The following MDN1 variants were observed in gnomAD, a reference collection of about 807,000 sequenced individuals.
MDN1 encodes midasin.
Under a neutral mutation model 669.2 loss-of-function variants are expected in MDN1, and 266 were observed. The ratio of observed to expected loss-of-function variants is 0.40; its 90% CI spans 0.36 to 0.44. The LOEUF is 0.44. Among genes scored for constraint, MDN1 ranks in the 20% least tolerant of loss-of-function variants. The pLI is 1.00. For synonymous variants in MDN1, 2,385 were observed against 2,457.1 expected, an observed-to-expected ratio of 0.97 and a Z score of 0.87; for missense variants, 5,940 against 6,754.0, an observed-to-expected ratio of 0.88 and a Z score of 4.22.
intron 2 of MDN1, among the ~76,000 whole-genome samples, chr6:89,796,020 A>T (rs896469633): frequency 6.6e-6 from 1 of 151,826 alleles, no homozygotes; most frequent in Non-Finnish European, 1.5e-5. Context: ...GGAAATAAAA[A>T]ATATTATTAA....
In MDN1 at chr6:89,775,120, C is replaced by T. The variant is rs536009051; in HGVS notation, c.1822-387G>A. Among the ~76,000 whole-genome samples the T allele has an allele frequency of 9.9e-5, 15 of 152,278 alleles. 1 individual carries two copies. In the South Asian group the frequency reaches 2.3e-3, roughly 23 times the overall value. On this transcript the variant is annotated intron_variant, in intron 12 of 101. Coordinates refer to ENST00000369393, the MANE Select transcript of MDN1 (RefSeq NM_014611.3). ...AACATAATGTTAGGAAATCATGGTACATCTGACTACAGCCAAAGCAAAAAG... is the reference window on the plus strand; with the variant it reads ...AACATAATGTTAGGAAATCATGGTATATCTGACTACAGCCAAAGCAAAAAG...
At position 89,650,849 on chromosome 6, in the gene MDN1, T is replaced by C. The variant is rs1197427583; in HGVS notation, c.15916-2A>G. On this transcript the variant is annotated splice_acceptor_variant, in intron 95 of 101. Coordinates refer to ENST00000369393, the MANE Select transcript of MDN1 (RefSeq NM_014611.3). LOFTEE classifies it high-confidence loss of function. ...CCACATCTCAGCTGCAACCTTCTCC[T>C]GTGACAACAACAAAATGTAAGTTAC... The C allele has an allele frequency of 1.2e-6, 2 of 1,612,388 alleles. No homozygotes were observed. Among genetic ancestry groups the C allele is most frequent in the African/African-American group, 1.3e-5 (1 of 74,872 alleles).
chr6:89,712,848 C>T, intron 47 of MDN1, 62 bp from the exon 48 acceptor site: 1 of 1,482,772 alleles, frequency 6.7e-7, no homozygotes. Context: ...CCCCAAAAAC[C>T]AGCAAAGTAA....
At position 89,696,594 on chromosome 6, in the gene MDN1, T is replaced by A. The variant is rs1562103905; in HGVS notation, c.9169-20A>T. The A allele has an allele frequency of 6.3e-7, 1 of 1,579,244 alleles. No individual in the cohort carries two copies. Among genetic ancestry groups the A allele is most frequent in the Non-Finnish European group, 8.7e-7 (1 of 1,149,198 alleles). On this transcript the variant is annotated intron_variant, in intron 59 of 101. Transcript: ENST00000369393. ...GGGGCCCTAAAGGACAAGAGAAGAGTCAATAACTTTTAGAAATTAAGACAA... is the reference window on the plus strand; with the variant it reads ...GGGGCCCTAAAGGACAAGAGAAGAGACAATAACTTTTAGAAATTAAGACAA...
intron 33 of MDN1, among the ~76,000 whole-genome samples, chr6:89,734,227 G>A (rs1421607800): frequency 6.6e-6 from 1 of 152,100 alleles, no homozygotes; most frequent in African/African-American, 2.4e-5. Context: ...AGAGGTTGCA[G>A]TGAGCCAAGA....
In MDN1 at chr6:89,762,338, A is replaced by C. The variant is rs773901151; in HGVS notation, c.2337T>G (p.Asp779Glu). 1 of 1,613,886 alleles carries C rather than the reference A, an allele frequency of 6.2e-7. No individual in the cohort carries two copies. The highest frequency in any genetic ancestry group is 8.5e-7 in the Non-Finnish European group (1 of 1,179,944). ...CCTTACCAGTTTCACTGTCTTTTCC[A>C]TCCTTGTTAACAGCAGACTTGTGTA... ...QHVHKSAVNK[D>E]GKDSETGLLI... The change falls in exon 16 of 102, where the codon GAT (aspartate) becomes GAG (glutamate). Residue 779 changes from aspartate to glutamate, a missense_variant. Physicochemically the swap from Asp to Glu is conservative, Grantham distance 45. Around this residue, in one of 5 missense-constraint regions of MDN1, gnomAD observed 1,203 missense variants for 1,268.9 expected, o/e 0.95. Coordinates refer to ENST00000369393, the MANE Select transcript of MDN1 (RefSeq NM_014611.3).
chr6:89,657,680 C>A (rs1281610511), intron 90 of MDN1, among the ~76,000 whole-genome samples: 4 of 152,212 alleles, frequency 2.6e-5, no homozygotes, highest in Admixed American at 1.3e-4. Context: ...ATGCACACCA[C>A]TTAAATACAG....
intron 96 of MDN1, 59 bp from the exon 97 acceptor site, chr6:89,650,257 A>G: frequency 1.3e-6 from 2 of 1,501,992 alleles, no homozygotes; most frequent in Non-Finnish European, 9.1e-7. Context: ...GAGAATTTTT[A>G]TTAAGGACAA....
intron 80 of MDN1, among the ~76,000 whole-genome samples, 174 bp from the exon 81 acceptor site, chr6:89,672,876 C>T (rs903610527): frequency 1.3e-5 from 2 of 152,024 alleles, no homozygotes; most frequent in Non-Finnish European, 2.9e-5. Context: ...AAGTTTATTA[C>T]CTTGTATTAA....
In MDN1 at chr6:89,723,505, T is replaced by C. The variant is rs1303903624; in HGVS notation, c.5778+7A>G. The C allele has an allele frequency of 1.4e-6, 2 of 1,481,268 alleles. No individual in the cohort carries two copies. The highest frequency in any genetic ancestry group is 1.9e-6 in the Non-Finnish European group (2 of 1,070,868). 91.8% of individuals were successfully genotyped at this position (1,481,268 alleles called of 1,614,324 possible). On this transcript the variant is annotated splice_region_variant and intron_variant, in intron 39 of 101. Coordinates refer to ENST00000369393, the MANE Select transcript of MDN1 (RefSeq NM_014611.3). ...AAAAAAAGAAACCAATACGTGTAGG[T>C]ACTTACTTGGTTATTGAAAGCAACC...
intron 15 of MDN1, among the ~76,000 whole-genome samples, chr6:89,769,715 G>C (rs1348755104): frequency 6.6e-6 from 1 of 152,194 alleles, no homozygotes; most frequent in East Asian, 1.9e-4. Flanking sequence ...CCAAATTCTA[G>C]TTAATCATAC....
intron 5 of MDN1, among the ~76,000 whole-genome samples, chr6:89,793,356 T>C (rs1478744457): frequency 1.3e-5 from 2 of 152,144 alleles, no homozygotes; most frequent in Admixed American, 6.5e-5. Context: ...CAAGAAGATA[T>C]ACGGAACAGC....
intron 86 of MDN1, 43 bp downstream of exon 86, chr6:89,662,749 C>T: frequency 6.3e-7 from 1 of 1,598,688 alleles, no homozygotes; most frequent in Non-Finnish European, 8.6e-7. Context: ...GGGCAGATTA[C>T]CTCCTCTCAG....
intron 54 of MDN1, 37 bp downstream of exon 54, chr6:89,701,867 T>A: frequency 1.3e-5 from 21 of 1,589,890 alleles, no homozygotes; most frequent in Non-Finnish European, 1.8e-5. Flanking sequence ...CATCTATCTG[T>A]AATCATTGAC....
Position 89,745,473 on chromosome 6 carries a change from G to A in MDN1, c.4039+19C>T. The A allele has an allele frequency of 6.2e-7, 1 of 1,613,888 alleles. No homozygotes were observed. Among genetic ancestry groups the A allele is most frequent in the Non-Finnish European group, 8.5e-7 (1 of 1,179,906 alleles). ...GTACAACTCAAATCATATTCCTCTA[G>A]GGATTTTGGCCTACTCACCCAGCAA... is the stretch of plus-strand genomic sequence containing the variant. On this transcript the variant is annotated intron_variant, in intron 28 of 101. Coordinates refer to ENST00000369393, the MANE Select transcript of MDN1 (RefSeq NM_014611.3).
Position 89,674,530 on chromosome 6 carries a change from G to A in MDN1, c.12821C>T (p.Pro4274Leu). 1 of 1,603,596 alleles carries A rather than the reference G, an allele frequency of 6.2e-7. No individual in the cohort carries two copies. The highest frequency in any genetic ancestry group is 8.5e-7 in the Non-Finnish European group (1 of 1,178,536). Reference protein sequence around the residue: ...HSRLMGPQAYPVAFPPQDGVQ... With the variant: ...HSRLMGPQAYLVAFPPQDGVQ... ...GCCATCCTGAGGGGGGAAGGCCACG[G>A]GGTAGGCCTGGGGCCCCATCAGCCT... The change falls in exon 79 of 102, where the codon CCC becomes CTC. Residue 4274 changes from proline to leucine, a missense_variant. This residue lies in a region of MDN1 where 2,280 missense variants were observed against 2,576.3 expected (regional missense o/e 0.88). Transcript: ENST00000369393.
intron 73 of MDN1, among the ~76,000 whole-genome samples, chr6:89,681,742 C>T (rs1200089619): frequency 6.6e-6 from 1 of 152,110 alleles, no homozygotes; most frequent in Non-Finnish European, 1.5e-5. Context: ...ACAAAAATAG[C>T]TTAAGGACTT....
chr6:89,688,280 T>C, intron 66 of MDN1, 107 bp from the exon 67 acceptor site: 1 of 1,046,188 alleles, frequency 9.6e-7, no homozygotes, highest in East Asian at 2.4e-5. Context: ...TCTCTACTTT[T>C]AAAACACCTC....
At chr6:89,696,141 G>A in intron 60 of MDN1, 149 bp from the exon 61 acceptor site, 3 of 1,231,554 alleles carry the variant, frequency 2.4e-6, no homozygotes, top group Non-Finnish European at 2.2e-6. Flanking sequence ...GGTCTTATTT[G>A]GTTTACTAAG....
Sources: gnomAD v4.1 joint callset for allele counts (sites outside exome capture counted in the v4.1 genomes callset) on GRCh38, gnomAD v4.1.1 for gene constraint, gnomAD v4.1.1 regional missense constraint, MANE v1.5 for transcripts, NCBI Gene and HGNC (gene_info 2026-07-23, HGNC 2026-07-21) for gene names.